ENTPD1: variants seen among roughly 807,000 people sequenced by gnomAD.
ENTPD1 encodes the protein ectonucleoside triphosphate diphosphohydrolase 1, also known as ATP diphosphohydrolase.
In ENTPD1, 33 loss-of-function variants were observed where a neutral mutation model predicts 57.0. The observed-to-expected ratio is 0.58, with a 90% CI of 0.44 to 0.77. The LOEUF (loss-of-function observed/expected upper bound fraction) is 0.77. Among genes scored for constraint, ENTPD1 ranks in the 30% least tolerant of loss-of-function variants. The pLI, the probability that ENTPD1 is intolerant of heterozygous loss-of-function variation, is 0.00. For missense variants in ENTPD1, 501 were observed against 603.4 expected, an observed-to-expected ratio of 0.83 and a Z score of 1.78; for synonymous variants, 202 against 218.8, an observed-to-expected ratio of 0.92 and a Z score of 0.68.
intron 5 of ENTPD1, among the ~76,000 whole-genome samples, 169 bp from the exon 6 acceptor site, chr10:95,845,188 G>T (rs1296346403): frequency 6.6e-6 from 1 of 152,156 alleles, no homozygotes; most frequent in African/African-American, 2.4e-5. Context: ...TGTCTTTGAA[G>T]CCCCTCTTTT....
intron 5 of ENTPD1, 137 bp from the exon 6 acceptor site, chr10:95,845,220 A>G: frequency 8.6e-7 from 1 of 1,158,454 alleles, no homozygotes; most frequent in Middle Eastern, 2.7e-4. Flanking sequence ...TCTGTTGTAG[A>G]TCAGGAGCCT....
At chr10:95,728,759 A>G (rs1166482901) in intron 1 of ENTPD1, among the ~76,000 whole-genome samples, 3 of 152,186 alleles carry the variant, frequency 2.0e-5, no homozygotes, top group Non-Finnish European at 4.4e-5. Flanking sequence ...ATGGCAACAG[A>G]AGGTAGCTAT....
chr10:95,752,162 C>T (rs542278812), upstream of ENTPD1, among the ~76,000 whole-genome samples: 1 of 152,178 alleles, frequency 6.6e-6, no homozygotes, highest in South Asian at 2.1e-4. Context: ...CTTTACAGGC[C>T]ATTGGCAATC....
chr10:95,791,535 C>G lies in ENTPD1; in HGVS notation c.17-31702C>G, dbSNP rs2098203714. Among the ~76,000 whole-genome samples, 1 of 152,154 alleles carries G rather than the reference C, an allele frequency of 6.6e-6. No homozygotes were observed. Among genetic ancestry groups the G allele is most frequent in the Non-Finnish European group, 1.5e-5 (1 of 68,030 alleles). On this transcript the variant is annotated intron_variant, in intron 1 of 9. Coordinates refer to ENST00000371205, the MANE Select transcript of ENTPD1 (RefSeq NM_001776.6). This position sits in a 1 kb window ranked among gnomAD's most constrained non-coding sequence, Gnocchi z 4.1. The stretch of plus-strand genomic sequence containing the variant: ...AGTTAGAATGAAACAGAACTTAGGT[C>G]AAGATAGATTGCTAACAGTTAGACA...
chr10:95,747,446 A>G (rs1447185282), intron 1 of ENTPD1, among the ~76,000 whole-genome samples: 5 of 152,212 alleles, frequency 3.3e-5, no homozygotes, highest in African/African-American at 9.7e-5. Context: ...AGTTTTATCA[A>G]TAGAATTCTG....
chr10:95,700,321 A>G, the ENTPD1 span, among the ~76,000 whole-genome samples: 1 of 152,200 alleles, frequency 6.6e-6, no homozygotes, highest in Admixed American at 6.5e-5. Context: ...TTAAATCTAC[A>G]AGTCCAATGT....
At chr10:95,781,480 G>T (rs2098157781) in intron 1 of ENTPD1, among the ~76,000 whole-genome samples, 1 of 152,114 alleles carries the variant, frequency 6.6e-6, no homozygotes, top group Admixed American at 6.6e-5. Context: ...AATGCTTGAG[G>T]TGATGGATAC....
At position 95,871,841 on chromosome 10, in the gene ENTPD1, G is replaced by T. The variant is rs1157154590; in HGVS notation, c.*5458G>T. On this transcript the variant is annotated 3_prime_UTR_variant, in exon 10 of 10. Transcript: ENST00000371205. ...ACATGTATTAGTCAATGGTAAGTAA[G>T]ATACTCTCATCTAAGAAATAACATC... 1 of 985,288 alleles carries T rather than the reference G, an allele frequency of 1.0e-6. No individual in the cohort carries two copies. Among genetic ancestry groups the T allele is most frequent in the Non-Finnish European group, 1.2e-6 (1 of 829,938 alleles). The allele number at this position is 985,288 out of a possible 1,614,324, so 61.0% of individuals were successfully genotyped here.
intron 1 of ENTPD1, among the ~76,000 whole-genome samples, chr10:95,815,659 A>T (rs1209972738): frequency 6.6e-6 from 1 of 152,116 alleles, no homozygotes; most frequent in Non-Finnish European, 1.5e-5. Context: ...TGGCCCTGTT[A>T]CCGGTGGCAG....
chr10:95,755,622 T>A, upstream of ENTPD1: 1 of 1,412,778 alleles, frequency 7.1e-7, no homozygotes, highest in Non-Finnish European at 9.6e-7. Flanking sequence ...TAACGCAGCG[T>A]CTCCTGCAGG....
In ENTPD1 at chr10:95,876,785, C is replaced by A. The variant is rs1045255447; in HGVS notation, c.*10402C>A. 1 of 506,944 alleles carries A rather than the reference C, an allele frequency of 2.0e-6. No individual in the cohort carries two copies. Among genetic ancestry groups the A allele is most frequent in the African/African-American group, 2.0e-5 (1 of 50,042 alleles). The allele number at this position is 506,944 out of a possible 1,614,324, so 31.4% of individuals were successfully genotyped here. A position where few individuals can be genotyped will look rare whatever the true frequency, so the allele number is the denominator to read the frequency against. ...AACTTCACTGATTATCATCATTTAG[C>A]CAGTCTTGAAGAAGCAAGTGCTAAT... On this transcript the variant is annotated 3_prime_UTR_variant, in exon 10 of 10. Transcript: ENST00000371205.
chr10:95,787,602 G>A (rs1410954498), intron 1 of ENTPD1, among the ~76,000 whole-genome samples: 1 of 152,146 alleles, frequency 6.6e-6, no homozygotes. Context: ...GCAGGCTCTG[G>A]ATGAAGTATT....
At chr10:95,860,198 C>T (rs1266705214) in intron 7 of ENTPD1, among the ~76,000 whole-genome samples, 1 of 151,988 alleles carries the variant, frequency 6.6e-6, no homozygotes, top group East Asian at 1.9e-4. Context: ...TCTCTCTTTT[C>T]TTATTCTCTT....
At chr10:95,802,171 G>C (rs1248948245) in intron 1 of ENTPD1, among the ~76,000 whole-genome samples, 1 of 152,102 alleles carries the variant, frequency 6.6e-6, no homozygotes, top group African/African-American at 2.4e-5. Context: ...GTTTCAGAAA[G>C]GTAGGAGAAC....
intron 1 of ENTPD1, among the ~76,000 whole-genome samples, chr10:95,745,030 C>G (rs941625218): frequency 5.9e-5 from 9 of 151,956 alleles, no homozygotes; most frequent in African/African-American, 2.2e-4. Flanking sequence ...TTTTGGAGCT[C>G]TAATAAGTTG....
intron 1 of ENTPD1, among the ~76,000 whole-genome samples, chr10:95,799,154 A>G (rs1412097302): frequency 1.3e-5 from 2 of 152,160 alleles, no homozygotes; most frequent in Non-Finnish European, 2.9e-5. Context: ...CATTTTTTAA[A>G]CTTTTAAGCT....
intron 1 of ENTPD1, among the ~76,000 whole-genome samples, chr10:95,819,550 GCTTCCTTTGATT>G (rs1328887445): frequency 3.3e-5 from 5 of 152,108 alleles, no homozygotes; most frequent in Non-Finnish European, 7.4e-5. Context: ...AAGAACCTTT[GCTTCCTTTGATT>G]CTTATAAAAG....
intron 7 of ENTPD1, among the ~76,000 whole-genome samples, chr10:95,848,057 C>T (rs1318802579): frequency 2.6e-5 from 4 of 152,134 alleles, no homozygotes; most frequent in Non-Finnish European, 5.9e-5. Flanking sequence ...AGGTTAGCCC[C>T]AGCAGTGTGG....
At chr10:95,823,462 T>C in intron 2 of ENTPD1, 98 bp downstream of exon 2, 1 of 1,580,544 alleles carries the variant, frequency 6.3e-7, no homozygotes, top group Non-Finnish European at 8.6e-7. Context: ...AGGGGACGAG[T>C]TGAGGTTCTA....
Sources: gnomAD v4.1 joint callset for allele counts (sites outside exome capture counted in the v4.1 genomes callset) on GRCh38, gnomAD v4.1.1 for gene constraint, Gnocchi (gnomAD v3.1) non-coding constraint, MANE v1.5 for transcripts, NCBI Gene and HGNC (gene_info 2026-07-23, HGNC 2026-07-21) for gene names.